TIPARP: variants seen among roughly 807,000 people sequenced by gnomAD.
TIPARP encodes the protein protein mono-ADP-ribosyltransferase TIPARP.
In TIPARP, 12 loss-of-function variants were observed where a neutral mutation model predicts 56.5. That is an observed-to-expected ratio of 0.21 (90% CI 0.14 to 0.34). The LOEUF is 0.34. Among genes scored for constraint, TIPARP ranks in the 10% least tolerant of loss-of-function variants. TIPARP has a pLI of 1.00. For synonymous variants in TIPARP, 296 were observed against 265.7 expected (o/e 1.11, Z -1.11); for missense variants, 604 against 781.6 (o/e 0.77, Z 2.71).
rs566188687 is a variant in TIPARP at position 156,691,612 on chromosome 3, A to T, written c.918-2408A>T. On this transcript the variant is annotated intron_variant, in intron 2 of 5. Transcript: ENST00000295924. Reference sequence around the variant, plus strand: ...TAAAGAAGAATGTGGTGGCTGTTGAACATTTGGCACCCATATTGCACACAT... The same window carrying T: ...TAAAGAAGAATGTGGTGGCTGTTGATCATTTGGCACCCATATTGCACACAT... Among the ~76,000 whole-genome samples, 11 of 152,280 alleles carry T rather than the reference A, an allele frequency of 7.2e-5. No individual in the cohort carries two copies. In the South Asian group the frequency reaches 2.3e-3, roughly 32 times the overall value.
At position 156,705,227 on chromosome 3, in the gene TIPARP, C is replaced by T. The variant is rs1722952223; in HGVS notation, c.*96C>T. 6.2e-6 allele frequency: 5 copies of T among 805,440 alleles called. No homozygotes were observed. The South Asian group carries it at 7.0e-5, about 11-fold the overall frequency. 49.9% of individuals were successfully genotyped at this position (805,440 alleles called of 1,614,324 possible). On this transcript the variant is annotated 3_prime_UTR_variant, in exon 6 of 6. Transcript: ENST00000295924. ...GGACTGGGTGGGGAACAGCATTGGA[C>T]ATTAATAGGGCACTTTTCAGACCCA...
chr3:156,695,252 T>G (rs1014048575), intron 3 of TIPARP, among the ~76,000 whole-genome samples: 1 of 150,788 alleles, frequency 6.6e-6, no homozygotes, highest in Non-Finnish European at 1.5e-5. Flanking sequence ...CTTGCTCTGT[T>G]GCCCAGGCTG....
rs1225949830 is a variant in TIPARP at position 156,677,978 on chromosome 3, T to G, written c.281T>G (p.Met94Arg). ...SLHEPMMKKAMEINSSCPPAE... is the reference protein window; with the variant it reads ...SLHEPMMKKAREINSSCPPAE... The stretch of plus-strand genomic sequence containing the variant: ...CATGAACCTATGATGAAGAAAGCCA[T>G]GGAAATCAATTCATCATGCCCACCA... Residue 94 changes from methionine to arginine, a missense_variant, in exon 2 of 6, where the codon ATG becomes AGG. Met to Arg is a moderately conservative substitution (Grantham distance 91, BLOSUM62 -1). Coordinates refer to ENST00000295924, the MANE Select transcript of TIPARP (RefSeq NM_015508.5). The G allele has an allele frequency of 6.2e-7, 1 of 1,614,118 alleles. No homozygotes were observed. Among genetic ancestry groups the G allele is most frequent in the Admixed American group, 1.7e-5 (1 of 60,026 alleles).
Position 156,705,465 on chromosome 3 carries a change from T to C in TIPARP, c.*334T>C, listed in dbSNP as rs915093918. Reference sequence around the variant, plus strand: ...TGAACAGCCTAATTTAAATGTGGCTTGGGCCTGGTAGAAGTTTGACCAAAT... The same window carrying C: ...TGAACAGCCTAATTTAAATGTGGCTCGGGCCTGGTAGAAGTTTGACCAAAT... On this transcript the variant is annotated 3_prime_UTR_variant, in exon 6 of 6. Coordinates refer to ENST00000295924, the MANE Select transcript of TIPARP (RefSeq NM_015508.5). 1 of 174,676 alleles carries C rather than the reference T, an allele frequency of 5.7e-6. No homozygotes were observed. The highest frequency in any genetic ancestry group is 1.2e-5 in the Non-Finnish European group (1 of 81,536). 10.8% of individuals were successfully genotyped at this position (174,676 alleles called of 1,614,324 possible). A position where few individuals can be genotyped will look rare whatever the true frequency, so the allele number is the denominator to read the frequency against.
At chr3:156,675,022 G>A (rs1205294730) in intron 1 of TIPARP, 1 of 152,360 alleles carries the variant, frequency 6.6e-6, no homozygotes, top group African/African-American at 2.4e-5. Context: ...AGAGCCTGTG[G>A]CAGGTGTATA....
rs532623676 is a variant in TIPARP, at chr3:156,695,417, C to T, written c.1087-448C>T. Among the ~76,000 whole-genome samples, 6 of 151,794 alleles carry T rather than the reference C, an allele frequency of 4.0e-5. 1 individual carries two copies. The South Asian group carries it at 8.3e-4, about 21-fold the overall frequency. On this transcript the variant is annotated intron_variant, in intron 3 of 5. Transcript: ENST00000295924. ...TATTTTTTGTGGAGACAGGATCTTG[C>T]GATGTTGCCCAGTCTAGTCTCGAAC...
chr3:156,680,355 C>A (rs917958459), intron 2 of TIPARP, among the ~76,000 whole-genome samples: 1 of 152,020 alleles, frequency 6.6e-6, no homozygotes, highest in African/African-American at 2.4e-5. Flanking sequence ...TCTTAAAAAT[C>A]TTTTTAATAA....
At chr3:156,684,742 ATTTC>A (rs552280414) in intron 2 of TIPARP, among the ~76,000 whole-genome samples, 35 of 152,316 alleles carry the variant, frequency 2.3e-4, no homozygotes, top group African/African-American at 7.5e-4. Context: ...ATGTGAAGGA[ATTTC>A]TTTAACAAAA....
Position 156,703,478 on chromosome 3 carries a change from A to G in TIPARP, c.1302A>G (p.Ser434=). 6.2e-7 allele frequency: 1 copy of G among 1,614,222 alleles called. No individual in the cohort carries two copies. The highest frequency in any genetic ancestry group is 8.5e-7 in the Non-Finnish European group (1 of 1,180,042). ...CTCCACCTCTTGAAGCAACTTCATC[A>G]TCACAAATTATCTGCCCAGATGGGG... is the stretch of plus-strand genomic sequence containing the variant. ...QAPPPLEATS[S]SQIICPDGVT... is the part of the protein sequence containing the mutation. The change falls in exon 5 of 6, where the codon TCA becomes TCG. Residue 434 remains serine, a synonymous_variant. Coordinates refer to ENST00000295924, the MANE Select transcript of TIPARP (RefSeq NM_015508.5).
At chr3:156,693,501 G>A (rs1722631134) in intron 2 of TIPARP, among the ~76,000 whole-genome samples, 1 of 151,992 alleles carries the variant, frequency 6.6e-6, no homozygotes, top group Admixed American at 6.6e-5. Flanking sequence ...ATTGATGTTG[G>A]GTGGATTAAT....
chr3:156,694,191 A>AT lies in TIPARP; in HGVS notation c.1086+6dup. On this transcript the variant is annotated splice_donor_region_variant and intron_variant, in intron 3 of 5. Coordinates refer to ENST00000295924, the MANE Select transcript of TIPARP (RefSeq NM_015508.5). ...TTGGATGGAGAGAGTATCCCGAGGT[A>AT]TTTACAGATTCTTTGTTGACAAGTA... is the stretch of plus-strand genomic sequence containing the variant. The AT allele has an allele frequency of 6.3e-7, 1 of 1,578,924 alleles. No individual in the cohort carries two copies. The highest frequency in any genetic ancestry group is 8.6e-7 in the Non-Finnish European group (1 of 1,167,660).
In TIPARP at chr3:156,694,009, T is replaced by G; in HGVS notation, c.918-11T>G. Reference sequence around the variant, plus strand: ...GGTTTTTGGGTTTTTTTTGTTTTTGTTTTTTTTTAGAGGACAAGAATTTTG... The same window carrying G: ...GGTTTTTGGGTTTTTTTTGTTTTTGGTTTTTTTTAGAGGACAAGAATTTTG... On this transcript the variant is annotated splice_polypyrimidine_tract_variant and intron_variant, in intron 2 of 5. Transcript: ENST00000295924. The G allele has an allele frequency of 1.6e-5, 25 of 1,551,636 alleles. No homozygotes were observed. Among genetic ancestry groups the G allele is most frequent in the Non-Finnish European group, 2.2e-5 (25 of 1,154,030 alleles).
At chr3:156,686,449 A>G (rs1333612720) in intron 2 of TIPARP, among the ~76,000 whole-genome samples, 1 of 152,206 alleles carries the variant, frequency 6.6e-6, no homozygotes, top group Admixed American at 6.5e-5. Context: ...TTGTTTAAAG[A>G]ACTATCAGAG....
chr3:156,675,842 A>G (rs1240295508), intron 1 of TIPARP: 1 of 151,766 alleles, frequency 6.6e-6, no homozygotes, highest in Non-Finnish European at 1.5e-5. Flanking sequence ...TCTCATCTTT[A>G]TTTTTCTGTT....
chr3:156,691,123 T>C (rs1722563411), intron 2 of TIPARP, among the ~76,000 whole-genome samples: 1 of 152,184 alleles, frequency 6.6e-6, no homozygotes, highest in Non-Finnish European at 1.5e-5. Flanking sequence ...TTCCAACTAG[T>C]ACCAATCCTG....
Position 156,683,419 on chromosome 3 carries a change from C to T in TIPARP, c.917+4805C>T, listed in dbSNP as rs537503370. 7.2e-5 allele frequency among the ~76,000 whole-genome samples: 11 copies of T among 152,172 alleles called. No individual in the cohort carries two copies. In the South Asian group the frequency reaches 8.3e-4, roughly 11 times the overall value. On this transcript the variant is annotated intron_variant, in intron 2 of 5. Transcript: ENST00000295924. Reference sequence around the variant, plus strand: ...GTACCCCAGTTAAGCATCTGAAATCCGAAATGCTCCAGTGAGCATTTGGGT... The same window carrying T: ...GTACCCCAGTTAAGCATCTGAAATCTGAAATGCTCCAGTGAGCATTTGGGT...
intron 2 of TIPARP, among the ~76,000 whole-genome samples, chr3:156,682,632 G>A (rs1722336342): frequency 6.6e-6 from 1 of 152,206 alleles, no homozygotes; most frequent in Non-Finnish European, 1.5e-5. Flanking sequence ...CTCTACTGGA[G>A]TAGTTAAATT....
chr3:156,694,299 C>A, intron 3 of TIPARP, 111 bp downstream of exon 3: 1 of 917,226 alleles, frequency 1.1e-6, no homozygotes, highest in Non-Finnish European at 1.5e-6. Flanking sequence ...TGCATATAAT[C>A]AAACAGCTTA....
At chr3:156,702,175 T>C (rs1722865941) in intron 4 of TIPARP, among the ~76,000 whole-genome samples, 1 of 151,824 alleles carries the variant, frequency 6.6e-6, no homozygotes, top group Admixed American at 6.6e-5. Context: ...AAAATATATA[T>C]ATAAATTGTG....
Sources: gnomAD v4.1 joint callset for allele counts (sites outside exome capture counted in the v4.1 genomes callset) on GRCh38, gnomAD v4.1.1 for gene constraint, MANE v1.5 for transcripts, NCBI Gene and HGNC (gene_info 2026-07-23, HGNC 2026-07-21) for gene names.